CCT6A: variants seen among roughly 807,000 people sequenced by gnomAD.
CCT6A encodes the protein T-complex protein 1 subunit zeta.
Under a neutral mutation model 58.6 loss-of-function variants are expected in CCT6A, and 6 were observed. The ratio of observed to expected loss-of-function variants is 0.10; its 90% CI spans 0.06 to 0.20. The LOEUF is 0.20. Among genes scored for constraint, CCT6A ranks in the 10% least tolerant of loss-of-function variants. The pLI is 1.00. For synonymous variants in CCT6A, 245 were observed against 227.8 expected (o/e 1.08, Z -0.68); for missense variants, 516 against 648.8 (o/e 0.80, Z 2.22).
At chr7:56,054,800 T>C (rs1418260807) in intron 3 of CCT6A, among the ~76,000 whole-genome samples, 1 of 152,204 alleles carries the variant, frequency 6.6e-6, no homozygotes, top group Non-Finnish European at 1.5e-5. Flanking sequence ...GCATATTTGT[T>C]AGGAAAAAGG....
chr7:56,057,613 G>C (rs890687436), intron 5 of CCT6A, among the ~76,000 whole-genome samples: 2 of 152,180 alleles, frequency 1.3e-5, no homozygotes, highest in African/African-American at 4.8e-5. Context: ...GGGCGCAGTG[G>C]CTCATGCCTG....
intron 2 of CCT6A, among the ~76,000 whole-genome samples, 167 bp from the exon 3 acceptor site, chr7:56,054,202 C>T (rs1277579597): frequency 6.6e-6 from 1 of 152,196 alleles, no homozygotes; most frequent in East Asian, 1.9e-4. Flanking sequence ...ACGTTTCAAT[C>T]ATTATAATTG....
Position 56,056,180 on chromosome 7 carries a change from A to G in CCT6A, c.511-131A>G, listed in dbSNP as rs1353912760. The stretch of plus-strand genomic sequence containing the variant: ...TTGCCTTTTACATATAATGTATTCT[A>G]TTTGCTGATAGAAAAAGACTTAAAT... On this transcript the variant is annotated intron_variant, in intron 4 of 13. Coordinates refer to ENST00000275603, the MANE Select transcript of CCT6A (RefSeq NM_001762.4). 28 of 675,986 alleles carry G rather than the reference A, an allele frequency of 4.1e-5. No homozygotes were observed. The East Asian group carries it at 6.7e-4, about 16-fold the overall frequency. 41.9% of individuals were successfully genotyped at this position (675,986 alleles called of 1,614,324 possible).
At chr7:56,062,016 A>G (rs749195958) in intron 12 of CCT6A, 167 bp downstream of exon 12, 20 of 481,164 alleles carry the variant, frequency 4.2e-5, no homozygotes, top group Non-Finnish European at 6.3e-5. Context: ...TGGAATGACT[A>G]GGTATAATTA....
In CCT6A at chr7:56,063,070, T is replaced by G. The variant is rs1794506786; in HGVS notation, c.1581T>G (p.Ser527=). Residue 527 remains serine (S), a synonymous_variant, in exon 14 of 14, where the codon TCT becomes TCG. Coordinates refer to ENST00000275603, the MANE Select transcript of CCT6A (RefSeq NM_001762.4). ...LVDEIMRAGM[S]SLKG is the part of the protein sequence containing the mutation. ...ATGAGATCATGCGAGCTGGAATGTCTTCTCTGAAAGGTTGAATTGAAGCTT... is the reference window on the plus strand; with the variant it reads ...ATGAGATCATGCGAGCTGGAATGTCGTCTCTGAAAGGTTGAATTGAAGCTT... 3.1e-6 allele frequency: 5 copies of G among 1,609,448 alleles called. No homozygotes were observed. The South Asian group carries it at 4.4e-5, about 14-fold the overall frequency.
intron 8 of CCT6A, 79 bp from the exon 9 acceptor site, chr7:56,059,461 ATTCC>A: frequency 1.3e-6 from 1 of 770,028 alleles, no homozygotes; most frequent in South Asian, 1.4e-5. Context: ...ATTCTGAAAA[ATTCC>A]TTCCTAAAAA....
At chr7:56,057,906 A>G in intron 5 of CCT6A, 87 bp from the exon 6 acceptor site, 1 of 762,994 alleles carries the variant, frequency 1.3e-6, no homozygotes, top group Non-Finnish European at 2.3e-6. Flanking sequence ...GACTGCGTGA[A>G]ATATCAATAC....
chr7:56,059,665 T>A, intron 9 of CCT6A, 25 bp downstream of exon 9: 1 of 1,103,230 alleles, frequency 9.1e-7, no homozygotes, highest in Non-Finnish European at 1.4e-6. Flanking sequence ...TTCTTAAAGG[T>A]AATAGAACCT....
chr7:56,063,608 T>TC lies in CCT6A; in HGVS notation c.*526dup, dbSNP rs1333601780. 6.1e-6 allele frequency: 1 copy of TC among 163,448 alleles called. No homozygotes were observed. Among genetic ancestry groups the TC allele is most frequent in the Non-Finnish European group, 1.3e-5 (1 of 75,250 alleles). 10.1% of individuals were successfully genotyped at this position (163,448 alleles called of 1,614,324 possible). On this transcript the variant is annotated 3_prime_UTR_variant, in exon 14 of 14. Coordinates refer to ENST00000275603, the MANE Select transcript of CCT6A (RefSeq NM_001762.4). ...CTTTGAAATGGCTTTGCTAAAATGC[T>TC]CCCGCCACAAAGTTGTAGGAAATGG...
chr7:56,052,788 CTTTTCTT>C (rs1182565857), intron 2 of CCT6A, among the ~76,000 whole-genome samples: 4 of 27,048 alleles, frequency 1.5e-4, no homozygotes, highest in South Asian at 9.5e-4. Flanking sequence ...TTTTTCTTTT[CTTTTCTT>C]TTTTTTTTTT....
rs148413036 is a variant in CCT6A, at chr7:56,060,241, T to C, written c.1066-28T>C. ...TCTTCACTCTGCACAAATCCTGTTT[T>C]TGAAAATCATATTTTTTCTACACAT... On this transcript the variant is annotated intron_variant, in intron 9 of 13. Coordinates refer to ENST00000275603, the MANE Select transcript of CCT6A (RefSeq NM_001762.4). 3.7e-3 allele frequency: 5,980 copies of C among 1,603,972 alleles called. 130 individuals carry two copies. The highest frequency in any genetic ancestry group is 0.036 in the South Asian group (3,300 of 90,806).
intron 2 of CCT6A, among the ~76,000 whole-genome samples, chr7:56,053,583 G>A (rs1435315598): frequency 2.6e-5 from 4 of 152,054 alleles, no homozygotes; most frequent in African/African-American, 7.2e-5. Flanking sequence ...TTAAAACTCC[G>A]ACTCAGCTAA....
Position 56,063,005 on chromosome 7 carries a change from C to A in CCT6A, c.1524-8C>A. The A allele has an allele frequency of 3.1e-6, 5 of 1,606,760 alleles. No individual in the cohort carries two copies. The highest frequency in any genetic ancestry group is 4.3e-6 in the Non-Finnish European group (5 of 1,173,396). The stretch of plus-strand genomic sequence containing the variant: ...ATCTGAGCCATCTTATTTTTGTCCC[C>A]CTTTCAGCACTGTGATTGCCACCAA... On this transcript the variant is annotated splice_region_variant and splice_polypyrimidine_tract_variant and intron_variant, in intron 13 of 13. Coordinates refer to ENST00000275603, the MANE Select transcript of CCT6A (RefSeq NM_001762.4).
At position 56,055,530 on chromosome 7, in the gene CCT6A, A is replaced by G. The variant is rs144807436; in HGVS notation, c.337-94A>G. The G allele has an allele frequency of 9.6e-5, 101 of 1,050,582 alleles. No individual in the cohort carries two copies. In the African/African-American group the frequency reaches 1.4e-3, roughly 15 times the overall value. 65.1% of individuals were successfully genotyped at this position (1,050,582 alleles called of 1,614,324 possible). On this transcript the variant is annotated intron_variant, in intron 3 of 13. Transcript: ENST00000275603. ...TTACCTCGTGTTCAAAGGTATGATGATCCAGAACACTCCTTCAATAATTAC... is the reference window on the plus strand; with the variant it reads ...TTACCTCGTGTTCAAAGGTATGATGGTCCAGAACACTCCTTCAATAATTAC...
chr7:56,061,079 C>G, intron 11 of CCT6A, 139 bp downstream of exon 11: 3 of 867,346 alleles, frequency 3.5e-6, no homozygotes, highest in Non-Finnish European at 3.4e-6. Context: ...ACAGGTATTC[C>G]TCATCATCCA....
intron 4 of CCT6A, among the ~76,000 whole-genome samples, 195 bp from the exon 5 acceptor site, chr7:56,056,116 T>A (rs1233863437): frequency 1.3e-5 from 2 of 152,208 alleles, no homozygotes; most frequent in Non-Finnish European, 2.9e-5. Flanking sequence ...GTTTGGGAAT[T>A]ATAGATGGAG....
At position 56,052,075 on chromosome 7, in the gene CCT6A, C is replaced by T. The variant is rs993275117; in HGVS notation, c.137+90C>T. 4.4e-6 allele frequency: 5 copies of T among 1,126,378 alleles called. No homozygotes were observed. In the African/African-American group the frequency reaches 6.6e-5, roughly 15 times the overall value. 69.8% of individuals were successfully genotyped at this position (1,126,378 alleles called of 1,614,324 possible). On this transcript the variant is annotated intron_variant, in intron 1 of 13. Coordinates refer to ENST00000275603, the MANE Select transcript of CCT6A (RefSeq NM_001762.4). ...GGGACCGCGGACTGGAGCCCGCCGC[C>T]TCGGGGCTGCGCAGCCGTCCTTCTC...
chr7:56,062,829 C>A, intron 13 of CCT6A, 74 bp downstream of exon 13: 3 of 1,307,416 alleles, frequency 2.3e-6, no homozygotes, highest in Non-Finnish European at 3.3e-6. Flanking sequence ...TGTTTAGTTG[C>A]TCCTTTCCCC....
chr7:56,052,566 A>G, intron 2 of CCT6A, 81 bp downstream of exon 2: 7 of 1,197,404 alleles, frequency 5.8e-6, no homozygotes, highest in African/African-American at 1.5e-5. Flanking sequence ...TGCAGTGTCC[A>G]TTTTCAAGGT....
Sources: allele counts gnomAD v4.1 joint callset (sites outside exome capture counted in the v4.1 genomes callset), GRCh38; gene constraint gnomAD v4.1.1; transcripts MANE v1.5; gene names NCBI Gene and HGNC (gene_info 2026-07-23, HGNC 2026-07-21).